PLCL1: variants seen among roughly 807,000 people sequenced by gnomAD.
PLCL1 encodes phospholipase C like 1 (inactive), also known as inactive phospholipase C-like protein 1.
In PLCL1, 41 loss-of-function variants were observed where a neutral mutation model predicts 84.4. The ratio of observed to expected loss-of-function variants is 0.49; its 90% CI spans 0.38 to 0.63. The LOEUF is 0.63. PLCL1 is among the 30% of genes least tolerant of loss of function. The probability of loss-of-function intolerance (pLI) is 0.00; values close to 1 mark genes in which losing one functional copy is unlikely to be tolerated. For missense variants in PLCL1, 1,206 were observed against 1,367.8 expected (o/e 0.88, Z 1.87); for synonymous variants, 490 against 488.3 (o/e 1.00, Z -0.05).
chr2:198,026,726 A>T (rs977484811), intron 1 of PLCL1, among the ~76,000 whole-genome samples: 5 of 152,208 alleles, frequency 3.3e-5, no homozygotes, highest in African/African-American at 1.2e-4. Flanking sequence ...ATACATACAA[A>T]TGGCTGGCAG....
intron 1 of PLCL1, among the ~76,000 whole-genome samples, chr2:197,873,179 A>G (rs1687678099): frequency 6.6e-6 from 1 of 152,108 alleles, no homozygotes; most frequent in Non-Finnish European, 1.5e-5. Flanking sequence ...CAAATTGTTT[A>G]CTATAACATT....
At chr2:198,071,539 C>T (rs1438865536) in intron 1 of PLCL1, among the ~76,000 whole-genome samples, 1 of 151,492 alleles carries the variant, frequency 6.6e-6, no homozygotes, top group African/African-American at 2.4e-5. Flanking sequence ...TTGTCTATAC[C>T]TTTGTAAACA....
intron 1 of PLCL1, among the ~76,000 whole-genome samples, chr2:197,924,375 T>C (rs1242529131): frequency 2.6e-5 from 4 of 152,110 alleles, no homozygotes; most frequent in Non-Finnish European, 5.9e-5. Context: ...TCTTTTCAGG[T>C]GAACCCTCCA....
In PLCL1 at chr2:198,037,771, A is replaced by G. The variant is rs190733709; in HGVS notation, c.241-45987A>G. 2.5e-3 allele frequency among the ~76,000 whole-genome samples: 386 copies of G among 152,270 alleles called. 2 individuals are homozygous for G. The highest frequency in any genetic ancestry group is 8.8e-3 in the African/African-American group (366 of 41,554). On this transcript the variant is annotated intron_variant, in intron 1 of 5. Transcript: ENST00000428675. ...CATAATCCCGTGACTTTTGAGTGTA[A>G]ATATAAAGAGTTATTGTTTCTTTGA...
intron 1 of PLCL1, among the ~76,000 whole-genome samples, chr2:197,832,024 A>G (rs552820689): frequency 6.6e-6 from 1 of 152,332 alleles, no homozygotes; most frequent in South Asian, 2.1e-4. Flanking sequence ...AGGGAAACTT[A>G]TAGCACTAAA....
intron 1 of PLCL1, among the ~76,000 whole-genome samples, chr2:198,007,033 A>G (rs959689155): frequency 6.6e-6 from 1 of 152,188 alleles, no homozygotes; most frequent in Non-Finnish European, 1.5e-5. Flanking sequence ...TAATCTTTAG[A>G]TTACAGAAAC....
At chr2:198,042,861 C>T (rs1251715282) in intron 1 of PLCL1, among the ~76,000 whole-genome samples, 2 of 152,114 alleles carry the variant, frequency 1.3e-5, no homozygotes, top group Admixed American at 6.5e-5. Context: ...TTTGCATAAA[C>T]AGACAGAGAA....
intron 1 of PLCL1, among the ~76,000 whole-genome samples, chr2:198,076,716 T>C (rs946086521): frequency 3.0e-4 from 46 of 152,330 alleles, no homozygotes; most frequent in African/African-American, 1.1e-3. Context: ...TGTTTGTGTC[T>C]CTGCATTAAG....
chr2:198,123,611 G>C (rs1390604268), intron 5 of PLCL1, among the ~76,000 whole-genome samples: 1 of 151,908 alleles, frequency 6.6e-6, no homozygotes, highest in Non-Finnish European at 1.5e-5. Flanking sequence ...CCTTGATATG[G>C]GACTTTTAGC....
At chr2:197,897,748 T>C (rs1167198333) in intron 1 of PLCL1, among the ~76,000 whole-genome samples, 1 of 152,150 alleles carries the variant, frequency 6.6e-6, no homozygotes, top group Non-Finnish European at 1.5e-5. Flanking sequence ...AGAGGCAAAT[T>C]TGTTATTCTG....
At chr2:197,820,100 C>T (rs978175351) in intron 1 of PLCL1, among the ~76,000 whole-genome samples, 5 of 151,976 alleles carry the variant, frequency 3.3e-5, no homozygotes, top group Admixed American at 1.3e-4. Flanking sequence ...TAAAAGCAAC[C>T]ACCGTTTATT....
chr2:198,106,861 G>T (rs1693486811), intron 5 of PLCL1, among the ~76,000 whole-genome samples: 1 of 151,740 alleles, frequency 6.6e-6, no homozygotes, highest in African/African-American at 2.4e-5. Flanking sequence ...GGCTTGTGGG[G>T]GTTGAAATTT....
At position 197,869,866 on chromosome 2, in the gene PLCL1, G is replaced by A. The variant is rs539548034; in HGVS notation, c.240+64527G>A. 7.9e-5 allele frequency among the ~76,000 whole-genome samples: 12 copies of A among 152,242 alleles called. No homozygotes were observed. In the South Asian group the frequency reaches 2.3e-3, roughly 29 times the overall value. ...TAAATTTCATGGCAAGACTTCTTAC[G>A]TAATTCAGGGATCACATGAAAGAAA... On this transcript the variant is annotated intron_variant, in intron 1 of 5. Transcript: ENST00000428675.
At chr2:198,114,333 T>G (rs543532515) in intron 5 of PLCL1, among the ~76,000 whole-genome samples, 108 of 151,956 alleles carry the variant, frequency 7.1e-4, no homozygotes, top group African/African-American at 2.5e-3. Context: ...AGAACTAAAT[T>G]TAGCATCTCT....
intron 1 of PLCL1, chr2:198,071,130 ACACACAC>A (rs1366011706): frequency 4.4e-4 from 75 of 171,018 alleles, no homozygotes; most frequent in Admixed American, 2.0e-3. Flanking sequence ...ACACACACAC[ACACACAC>A]AATGCATTTT....
intron 1 of PLCL1, among the ~76,000 whole-genome samples, chr2:197,856,841 C>A (rs1033361038): frequency 6.6e-6 from 1 of 152,136 alleles, no homozygotes; most frequent in African/African-American, 2.4e-5. Context: ...CTACAATATT[C>A]TTCATTACCT....
intron 1 of PLCL1, among the ~76,000 whole-genome samples, chr2:197,840,354 G>A (rs1270616149): frequency 6.6e-6 from 1 of 151,994 alleles, no homozygotes; most frequent in Non-Finnish European, 1.5e-5. Flanking sequence ...AATGCAGATA[G>A]CATGCCTCTC....
intron 1 of PLCL1, chr2:198,002,034 A>G (rs1961425): frequency 0.19 from 74,595 of 395,012 alleles, 7,360 homozygotes; most frequent in East Asian, 0.27. Context: ...ATTTCATTAT[A>G]TATTACAATG....
intron 1 of PLCL1, among the ~76,000 whole-genome samples, chr2:198,022,215 G>C (rs1008514636): frequency 6.6e-6 from 1 of 152,112 alleles, no homozygotes; most frequent in Non-Finnish European, 1.5e-5. Context: ...CAATAAACTA[G>C]GTATTTGTGG....
Sources: gnomAD v4.1 joint callset for allele counts (sites outside exome capture counted in the v4.1 genomes callset) on GRCh38, gnomAD v4.1.1 for gene constraint, MANE v1.5 for transcripts, NCBI Gene and HGNC (gene_info 2026-07-23, HGNC 2026-07-21) for gene names.